Variants in VAC14 observed in about 807,000 individuals in gnomAD.
The protein encoded by VAC14 is VAC14 component of PIKFYVE complex.
A neutral mutation model predicts 85.3 loss-of-function variants in VAC14; 47 were observed. That is an observed-to-expected ratio of 0.55 (90% confidence interval 0.44 to 0.70). The LOEUF is 0.70. VAC14 is among the 30% of genes least tolerant of loss of function. VAC14 has a pLI of 0.00. For synonymous variants in VAC14, 447 were observed against 430.5 expected (o/e 1.04, Z -0.47); for missense variants, 861 against 1,004.3 (o/e 0.86, Z 1.93).
intron 9 of VAC14, among the ~76,000 whole-genome samples, chr16:70,774,231 A>G (rs745836995): frequency 1.1e-4 from 17 of 152,100 alleles, no homozygotes; most frequent in Non-Finnish European, 1.8e-4. Context: ...TGTCTCCTCC[A>G]ATCTGTTGCA....
intron 14 of VAC14, among the ~76,000 whole-genome samples, chr16:70,712,627 C>A (rs2054058947): frequency 6.6e-6 from 1 of 152,268 alleles, no homozygotes; most frequent in Non-Finnish European, 1.5e-5. Context: ...GCCAAACCAG[C>A]ACCAGACCGA....
At chr16:70,724,262 T>C (rs1187258536) in intron 14 of VAC14, among the ~76,000 whole-genome samples, 1 of 152,102 alleles carries the variant, frequency 6.6e-6, no homozygotes, top group Non-Finnish European at 1.5e-5. Flanking sequence ...TTACAGGGAG[T>C]GCCAGTGTGT....
At position 70,697,441 on chromosome 16, in the gene VAC14, T is replaced by C. The variant is rs9934869; in HGVS notation, c.1837-184A>G. On this transcript the variant is annotated intron_variant, in intron 15 of 18. Coordinates refer to ENST00000261776, the MANE Select transcript of VAC14 (RefSeq NM_018052.5). ...CACAAAGGAAATGCTGACAGCTCCT[T>C]CGCAGACCCTGTCATTACCTCCCAG... 0.61 allele frequency among the ~76,000 whole-genome samples: 92,810 copies of C among 152,138 alleles called. 28,996 individuals are homozygous for C. The highest frequency in any genetic ancestry group is 0.65 in the African/African-American group (26,920 of 41,494).
Position 70,786,320 on chromosome 16 carries a change from C to T in VAC14, c.150G>A (p.Lys50=), listed in dbSNP as rs766001723. 18 of 1,614,128 alleles carry T rather than the reference C, an allele frequency of 1.1e-5. No individual in the cohort carries two copies. The highest frequency in any genetic ancestry group is 2.7e-5 in the African/African-American group (2 of 74,946). The change falls in exon 2 of 19, where the codon AAG becomes AAA. Residue 50 remains lysine (K), a synonymous_variant. Transcript: ENST00000261776. ...CCTGGGACAGGGTCTGGATCACATG[C>T]TTGATTTGCACGGTATTGTTCTGGG... ...FVAQNNTVQI[K]HVIQTLSQEF...
intron 14 of VAC14, among the ~76,000 whole-genome samples, chr16:70,704,810 C>T (rs1452371714): frequency 1.2e-4 from 18 of 152,284 alleles, no homozygotes; most frequent in Non-Finnish European, 2.9e-5. Flanking sequence ...CAGGTGAGGC[C>T]CAGGAGGGCA....
At chr16:70,745,400 G>A (rs563293639) in intron 12 of VAC14, among the ~76,000 whole-genome samples, 14 of 152,270 alleles carry the variant, frequency 9.2e-5, no homozygotes, top group African/African-American at 2.9e-4. Context: ...GAGCTGGCAG[G>A]GCGGCAAAGT....
chr16:70,717,016 ACTC>A (rs1457354985), intron 14 of VAC14: 12 of 152,002 alleles, frequency 7.9e-5, no homozygotes, highest in African/African-American at 2.9e-4. Flanking sequence ...CCTACTTCAC[ACTC>A]CTCCTCTGTG....
intron 13 of VAC14, among the ~76,000 whole-genome samples, chr16:70,743,047 CTG>C (rs1252253440): frequency 6.6e-6 from 1 of 152,028 alleles, no homozygotes; most frequent in African/African-American, 2.4e-5. Flanking sequence ...CCAATCAGCA[CTG>C]TGTGTCTAAA....
chr16:70,760,773 T>G (rs957329650), intron 12 of VAC14, among the ~76,000 whole-genome samples: 1 of 152,068 alleles, frequency 6.6e-6, no homozygotes, highest in African/African-American at 2.4e-5. Context: ...AACAACTCAG[T>G]TTAAAGGACT....
chr16:70,736,439 C>T (rs1037331329), intron 13 of VAC14, among the ~76,000 whole-genome samples: 4 of 152,194 alleles, frequency 2.6e-5, no homozygotes, highest in Non-Finnish European at 5.9e-5. Flanking sequence ...ATTCACAGTG[C>T]TCTATCAGGA....
chr16:70,765,164 C>T (rs952430244), intron 10 of VAC14, among the ~76,000 whole-genome samples: 2 of 152,180 alleles, frequency 1.3e-5, no homozygotes, highest in Non-Finnish European at 2.9e-5. Flanking sequence ...GCAGAAGCCA[C>T]AGGGACATGT....
chr16:70,784,967 C>T (rs373941867), intron 3 of VAC14, 129 bp from the exon 4 acceptor site: 1 of 809,464 alleles, frequency 1.2e-6, no homozygotes, highest in African/African-American at 1.7e-5. Flanking sequence ...GAACATCACC[C>T]TTTCGGTGAA....
intron 14 of VAC14, among the ~76,000 whole-genome samples, chr16:70,710,137 G>A (rs946809472): frequency 1.3e-5 from 2 of 152,262 alleles, no homozygotes; most frequent in African/African-American, 4.8e-5. Context: ...CTGAAGCCAA[G>A]GACTGGTCCC....
chr16:70,748,952 C>CA (rs1567564216), intron 12 of VAC14, among the ~76,000 whole-genome samples: 2 of 151,886 alleles, frequency 1.3e-5, no homozygotes, highest in African/African-American at 2.4e-5. Flanking sequence ...CAAAACAAAA[C>CA]AAAAAAACAA....
intron 14 of VAC14, among the ~76,000 whole-genome samples, chr16:70,721,517 C>T (rs1163575354): frequency 2.0e-5 from 3 of 152,008 alleles, no homozygotes; most frequent in African/African-American, 7.3e-5. Flanking sequence ...CAGGAGAGGT[C>T]TCTGTGGGGA....
chr16:70,690,597 G>A, intron 18 of VAC14: 2 of 985,508 alleles, frequency 2.0e-6, no homozygotes, highest in Non-Finnish European at 2.4e-6. Context: ...GGCACTTGGA[G>A]CACACAGAAC....
intron 5 of VAC14, 53 bp from the exon 6 acceptor site, chr16:70,783,607 T>C (rs2033916780): frequency 4.4e-6 from 7 of 1,574,528 alleles, no homozygotes; most frequent in Admixed American, 3.3e-5. Flanking sequence ...CCCTGTTTCC[T>C]GCTCACCAAG....
chr16:70,775,973 C>T (rs1226669869), intron 9 of VAC14, among the ~76,000 whole-genome samples: 1 of 152,172 alleles, frequency 6.6e-6, no homozygotes, highest in African/African-American at 2.4e-5. Context: ...AGCAGTTACC[C>T]CTTCTAAAGC....
intron 12 of VAC14, 113 bp from the exon 13 acceptor site, chr16:70,744,692 A>G: frequency 7.6e-7 from 1 of 1,319,502 alleles, no homozygotes; most frequent in Middle Eastern, 2.8e-4. Context: ...AGGGGTCTGC[A>G]GATGACAGCA....
Sources: allele counts gnomAD v4.1 joint callset (sites outside exome capture counted in the v4.1 genomes callset), GRCh38; gene constraint gnomAD v4.1.1; transcripts MANE v1.5; gene names NCBI Gene and HGNC (gene_info 2026-07-23, HGNC 2026-07-21).